FAM78B: variants seen among roughly 807,000 people sequenced by gnomAD.
FAM78B encodes the protein family with sequence similarity 78 member B.
Under a neutral mutation model 20.0 loss-of-function variants are expected in FAM78B, and 10 were observed. The ratio of observed to expected loss-of-function variants is 0.50; its 90% confidence interval spans 0.31 to 0.85. FAM78B has a LOEUF of 0.85. Among genes scored for constraint, FAM78B ranks in the 40% least tolerant of loss-of-function variants. The pLI is 0.05. For synonymous variants in FAM78B, 135 were observed against 132.8 expected (o/e 1.02, Z -0.12); for missense variants, 283 against 345.0 (o/e 0.82, Z 1.42).
chr1:166,096,886 C>T (rs777795341), intron 1 of FAM78B, among the ~76,000 whole-genome samples: 2 of 152,170 alleles, frequency 1.3e-5, no homozygotes, highest in African/African-American at 2.4e-5. Context: ...GACTAGATTG[C>T]AGCTCTGGAC....
At chr1:166,154,836 C>T (rs1255678341) in intron 1 of FAM78B, 2 of 473,342 alleles carry the variant, frequency 4.2e-6, no homozygotes, top group Non-Finnish European at 4.4e-6. Context: ...GCGTCCCCAT[C>T]TGTAAAAGAA....
At chr1:166,130,405 A>G (rs6675688) in intron 1 of FAM78B, among the ~76,000 whole-genome samples, 152,358 of 152,360 alleles carry the variant, frequency 1, 76,178 homozygotes, top group Non-Finnish European at 1. Flanking sequence ...ATGATGTCTT[A>G]TATTTTCACA....
intron 1 of FAM78B, among the ~76,000 whole-genome samples, chr1:166,072,107 T>G (rs766421993): frequency 1.3e-5 from 2 of 152,222 alleles, no homozygotes; most frequent in Non-Finnish European, 2.9e-5. Context: ...CTTCCTCCTA[T>G]GAGGTGACAG....
downstream of FAM78B, among the ~76,000 whole-genome samples, chr1:166,056,993 G>A (rs566487376): frequency 6.6e-6 from 1 of 152,230 alleles, no homozygotes; most frequent in Non-Finnish European, 1.5e-5. Flanking sequence ...TGAGGGCACA[G>A]CTGGAAGGTG....
chr1:166,112,387 T>C (rs1654089655), intron 1 of FAM78B, among the ~76,000 whole-genome samples: 1 of 152,156 alleles, frequency 6.6e-6, no homozygotes, highest in South Asian at 2.1e-4. Context: ...AAAGTACTAA[T>C]CAGGTTTTTT....
rs1407035051 is a variant in FAM78B at position 166,103,451 on chromosome 1, G to A, written c.264-32688C>T. Among the ~76,000 whole-genome samples the A allele has an allele frequency of 2.6e-5, 4 of 151,860 alleles. 1 individual carries two copies. The highest frequency in any genetic ancestry group is 4.2e-4 in the South Asian group (2 of 4,814). On this transcript the variant is annotated intron_variant, in intron 1 of 1. Coordinates refer to ENST00000354422, the MANE Select transcript of FAM78B (RefSeq NM_001017961.5). ...GAAAAGATCAACAAAATTAATAGAC[G>A]TTAGCAAGACTAATAAAGAAGAAGA... is the stretch of plus-strand genomic sequence containing the variant.
Position 166,166,090 on chromosome 1 carries a change from G to A in FAM78B, c.159C>T (p.Ala53=), listed in dbSNP as rs1320459426. 2 of 1,613,762 alleles carry A rather than the reference G, an allele frequency of 1.2e-6. No individual in the cohort carries two copies. Among genetic ancestry groups the A allele is most frequent in the African/African-American group, 1.3e-5 (1 of 75,052 alleles). ...RYKTPYFKAS[A]RVVMPPIPRH... ...GGGGGATGGGGGGCATGACCACGCGGGCGGAGGCTTTGAAGTAGGGGGTCT... is the reference window on the plus strand; with the variant it reads ...GGGGGATGGGGGGCATGACCACGCGAGCGGAGGCTTTGAAGTAGGGGGTCT... The change falls in exon 1 of 2, where the codon GCC becomes GCT. Residue 53 remains alanine (A), a synonymous_variant. Transcript: ENST00000354422.
chr1:166,109,502 A>T (rs1653914564), intron 1 of FAM78B, among the ~76,000 whole-genome samples: 1 of 152,054 alleles, frequency 6.6e-6, no homozygotes, highest in Admixed American at 6.6e-5. Flanking sequence ...TGAAAAATCA[A>T]AAAACAGTAG....
At chr1:166,133,763 T>G (rs1277707406) in intron 1 of FAM78B, among the ~76,000 whole-genome samples, 1 of 152,240 alleles carries the variant, frequency 6.6e-6, no homozygotes, top group Non-Finnish European at 1.5e-5. Flanking sequence ...CTGCTTCAAT[T>G]GCACTGGCTT....
intron 1 of FAM78B, among the ~76,000 whole-genome samples, chr1:166,119,475 T>A (rs1435932956): frequency 6.6e-6 from 1 of 152,166 alleles, no homozygotes; most frequent in Non-Finnish European, 1.5e-5. Flanking sequence ...GAGGCCCACA[T>A]CGGGCCTCCG....
intron 1 of FAM78B, among the ~76,000 whole-genome samples, chr1:166,092,761 G>A (rs1409466842): frequency 6.6e-6 from 1 of 152,188 alleles, no homozygotes; most frequent in Non-Finnish European, 1.5e-5. Context: ...TAAATTTGAT[G>A]ACATCTGTCT....
intron 1 of FAM78B, among the ~76,000 whole-genome samples, chr1:166,138,138 C>T (rs897956266): frequency 2.0e-5 from 3 of 152,150 alleles, no homozygotes; most frequent in Non-Finnish European, 2.9e-5. Context: ...AAGAGGATGA[C>T]GGCAGTAGGA....
chr1:166,079,536 T>G (rs1452692368), intron 1 of FAM78B, among the ~76,000 whole-genome samples: 14 of 152,214 alleles, frequency 9.2e-5, no homozygotes, highest in African/African-American at 3.4e-4. Flanking sequence ...ATGTGTTGGG[T>G]GCCCACATGC....
intron 1 of FAM78B, among the ~76,000 whole-genome samples, chr1:166,152,655 G>GATTTATTTATTTATTT (rs59226484): frequency 7.1e-5 from 10 of 140,474 alleles, no homozygotes; most frequent in African/African-American, 2.3e-4. Context: ...TGGTACTCTG[G>GATTTATTTATTTATTT]ATTTATTTAT....
chr1:166,117,535 G>A (rs1043740039), intron 1 of FAM78B, among the ~76,000 whole-genome samples: 3 of 152,034 alleles, frequency 2.0e-5, no homozygotes, highest in African/African-American at 7.3e-5. Flanking sequence ...GCAGCTTCTA[G>A]GGGCCCCATT....
chr1:166,113,441 G>C (rs1039356669), intron 1 of FAM78B, among the ~76,000 whole-genome samples: 2 of 152,232 alleles, frequency 1.3e-5, no homozygotes, highest in Admixed American at 1.3e-4. Context: ...TGTGTGATGA[G>C]ACAGCACGTG....
downstream of FAM78B, among the ~76,000 whole-genome samples, chr1:166,057,031 C>T (rs910724138): frequency 4.6e-5 from 7 of 152,314 alleles, no homozygotes; most frequent in South Asian, 2.1e-4. Flanking sequence ...AACAGGGCCT[C>T]CCCAGTCATC....
At chr1:166,091,523 A>G (rs1391581639) in intron 1 of FAM78B, among the ~76,000 whole-genome samples, 2 of 152,232 alleles carry the variant, frequency 1.3e-5, no homozygotes, top group Non-Finnish European at 2.9e-5. Context: ...AAGCCTGTCC[A>G]GCCATATGGA....
chr1:166,131,850 G>C (rs1308634608), intron 1 of FAM78B, among the ~76,000 whole-genome samples: 4 of 152,182 alleles, frequency 2.6e-5, no homozygotes, highest in Admixed American at 6.5e-5. Flanking sequence ...GTGGGAGATG[G>C]AACCTGAAAA....
Sources: allele counts gnomAD v4.1 joint callset (sites outside exome capture counted in the v4.1 genomes callset), GRCh38; gene constraint gnomAD v4.1.1; transcripts MANE v1.5; gene names NCBI Gene and HGNC (gene_info 2026-07-23, HGNC 2026-07-21).